The following ZBTB16 variants were observed in gnomAD, a reference collection of about 807,000 sequenced individuals.
ZBTB16 encodes zinc finger and BTB domain containing 16.
A neutral mutation model predicts 56.8 loss-of-function variants in ZBTB16; 8 were observed. That is an observed-to-expected ratio of 0.14 (90% CI 0.08 to 0.25). The LOEUF is 0.25. ZBTB16 is among the 10% of genes least tolerant of loss of function. The pLI is 1.00. For missense variants in ZBTB16, 625 were observed against 903.0 expected, an observed-to-expected ratio of 0.69 and a Z score of 3.95; for synonymous variants, 363 against 368.5, an observed-to-expected ratio of 0.98 and a Z score of 0.17.
intron 4 of ZBTB16, among the ~76,000 whole-genome samples, chr11:114,228,787 T>C (rs1315690135): frequency 1.3e-5 from 2 of 152,202 alleles, no homozygotes; most frequent in Non-Finnish European, 2.9e-5. Context: ...TTCTGGCAGC[T>C]TCCCCCGCCC....
chr11:114,085,488 ATGTGTATGACTT>A (rs1206829655), intron 2 of ZBTB16, among the ~76,000 whole-genome samples: 4 of 145,534 alleles, frequency 2.7e-5, no homozygotes, highest in Middle Eastern at 3.5e-3. Context: ...TGACAGCCAT[ATGTGTATGACTT>A]TGTGTGTGTG....
At chr11:114,202,972 T>A (rs142863455) in intron 4 of ZBTB16, among the ~76,000 whole-genome samples, 2 of 152,320 alleles carry the variant, frequency 1.3e-5, no homozygotes, top group East Asian at 3.9e-4. Flanking sequence ...CCCAAGAGAA[T>A]TGAAAATGTG....
chr11:114,207,025 C>A (rs1253462228), intron 4 of ZBTB16, among the ~76,000 whole-genome samples: 1 of 152,168 alleles, frequency 6.6e-6, no homozygotes, highest in Non-Finnish European at 1.5e-5. Flanking sequence ...TTTTGAACGA[C>A]TGCCTCATTC....
chr11:114,250,195 TC>T lies in ZBTB16; in HGVS notation c.1793-128del. ...GCCGTCTTGGGTGGTGCCTTCATTG[TC>T]CCAGAAAGTTCTGTTGGAGCAAGCC... On this transcript the variant is annotated intron_variant, in intron 6 of 6. Coordinates refer to ENST00000335953, the MANE Select transcript of ZBTB16 (RefSeq NM_006006.6). This position sits in a 1 kb window ranked among gnomAD's most constrained non-coding sequence, Gnocchi z 6.0. 1 of 969,708 alleles carries T rather than the reference TC, an allele frequency of 1.0e-6. No homozygotes were observed. The allele number at this position is 969,708 out of a possible 1,614,324, so 60.1% of individuals were successfully genotyped here. A position where few individuals can be genotyped will look rare whatever the true frequency, so the allele number is the denominator to read the frequency against.
intron 6 of ZBTB16, among the ~76,000 whole-genome samples, chr11:114,248,636 G>A (rs1254414817): frequency 6.6e-6 from 1 of 152,212 alleles, no homozygotes; most frequent in Non-Finnish European, 1.5e-5. Flanking sequence ...TGGCTTAGAG[G>A]AGAGTACGTT....
At chr11:114,126,292 A>T (rs1251456835) in intron 2 of ZBTB16, among the ~76,000 whole-genome samples, 1 of 152,210 alleles carries the variant, frequency 6.6e-6, no homozygotes, top group Non-Finnish European at 1.5e-5. Flanking sequence ...TGTGATCTAG[A>T]AGGAGCCATA....
chr11:114,224,059 G>A (rs1186981865), intron 4 of ZBTB16, among the ~76,000 whole-genome samples: 1 of 152,140 alleles, frequency 6.6e-6, no homozygotes, highest in East Asian at 1.9e-4. Context: ...GGGGACAATA[G>A]GGAAGTAATG....
intron 2 of ZBTB16, among the ~76,000 whole-genome samples, chr11:114,095,245 CTTT>C (rs745895999): frequency 3.3e-5 from 3 of 90,480 alleles, no homozygotes; most frequent in East Asian, 2.7e-4. Context: ...CTTTTCTTTT[CTTT>C]TTTTTTTTTT....
chr11:114,123,924 A>T (rs548929125), intron 2 of ZBTB16, among the ~76,000 whole-genome samples: 1 of 152,338 alleles, frequency 6.6e-6, no homozygotes, highest in East Asian at 1.9e-4. Context: ...CCAGTGGGAT[A>T]CGTGCCGCAA....
intron 2 of ZBTB16, among the ~76,000 whole-genome samples, chr11:114,114,710 C>T (rs1364356346): frequency 2.0e-5 from 3 of 149,300 alleles, no homozygotes; most frequent in East Asian, 2.0e-4. Context: ...GGCAGGGTCT[C>T]GCTCTGTCAC....
intron 2 of ZBTB16, among the ~76,000 whole-genome samples, chr11:114,118,631 G>T (rs1050039489): frequency 1.3e-5 from 2 of 152,094 alleles, no homozygotes; most frequent in Admixed American, 6.6e-5. Context: ...TAGCACTTGG[G>T]GATCACACAA....
intron 3 of ZBTB16, 36 bp downstream of exon 3, chr11:114,156,470 A>G: frequency 6.3e-7 from 1 of 1,598,148 alleles, no homozygotes; most frequent in Non-Finnish European, 8.6e-7. Context: ...GTTCAGATAC[A>G]GGCAACCATC....
chr11:114,146,620 G>T (rs1302741761), intron 2 of ZBTB16, among the ~76,000 whole-genome samples: 1 of 152,120 alleles, frequency 6.6e-6, no homozygotes, highest in Non-Finnish European at 1.5e-5. Context: ...GCCGAGGCGG[G>T]TGGATCGCTT....
At chr11:114,236,456 T>C (rs1944592248) in intron 4 of ZBTB16, among the ~76,000 whole-genome samples, 1 of 152,166 alleles carries the variant, frequency 6.6e-6, no homozygotes, top group Non-Finnish European at 1.5e-5. Flanking sequence ...GTCTGGGTTT[T>C]TGCTTCCGAG....
At chr11:114,207,212 C>T (rs559274747) in intron 4 of ZBTB16, among the ~76,000 whole-genome samples, 2 of 152,164 alleles carry the variant, frequency 1.3e-5, no homozygotes, top group South Asian at 4.2e-4. Context: ...TGTCTTACCC[C>T]AGCTACACAG....
intron 3 of ZBTB16, among the ~76,000 whole-genome samples, chr11:114,184,604 T>G (rs1943322627): frequency 6.6e-6 from 1 of 152,182 alleles, no homozygotes; most frequent in Non-Finnish European, 1.5e-5. Context: ...CTTTACTATG[T>G]CAACCACTGT....
rs1555145906 is a variant in ZBTB16, at chr11:114,159,937, C to CGGCGGG, written c.1366+3505_1366+3506insCGGGGG. ...GCTCCAGAACCCTGGGCGGGGGAGG[C>CGGCGGG]GGGGGGGAGGCGAGCATTTTTTTTC... On this transcript the variant is annotated intron_variant, in intron 3 of 6. Transcript: ENST00000335953. Among the ~76,000 whole-genome samples the CGGCGGG allele has an allele frequency of 2.0e-3, 186 of 93,810 alleles. 6 individuals are homozygous for CGGCGGG. Among genetic ancestry groups the CGGCGGG allele is most frequent in the African/African-American group, 0.011 (170 of 15,178 alleles). 61.5% of individuals were successfully genotyped at this position (93,810 alleles called of 152,430 possible).
At chr11:114,194,950 A>G (rs1273457119) in intron 4 of ZBTB16, among the ~76,000 whole-genome samples, 2 of 152,258 alleles carry the variant, frequency 1.3e-5, no homozygotes, top group Non-Finnish European at 2.9e-5. Context: ...TCAGTAATAT[A>G]AATTGCTGCA....
At chr11:114,170,544 C>T (rs1191599020) in intron 3 of ZBTB16, among the ~76,000 whole-genome samples, 1 of 152,174 alleles carries the variant, frequency 6.6e-6, no homozygotes, top group Non-Finnish European at 1.5e-5. Context: ...GACTTTTCCC[C>T]AGTAGTTAAC....
Sources: allele counts gnomAD v4.1 joint callset (sites outside exome capture counted in the v4.1 genomes callset), GRCh38; gene constraint gnomAD v4.1.1; non-coding constraint Gnocchi (gnomAD v3.1); transcripts MANE v1.5; gene names NCBI Gene and HGNC (gene_info 2026-07-23, HGNC 2026-07-21).